The following KYNU variants were observed in gnomAD, a reference collection of about 807,000 sequenced individuals.
KYNU encodes the protein kynureninase.
Under a neutral mutation model 59.2 loss-of-function variants are expected in KYNU, and 54 were observed. The observed-to-expected ratio is 0.91, with a 90% CI of 0.73 to 1.14. The LOEUF (loss-of-function observed/expected upper bound fraction) is 1.14, where lower values mean the gene tolerates loss of function less well. Among genes scored for constraint, KYNU ranks in the 50% most tolerant of loss-of-function variants. KYNU has a pLI of 0.00. For synonymous variants in KYNU, 177 were observed against 192.0 expected, an observed-to-expected ratio of 0.92 and a Z score of 0.65; for missense variants, 567 against 554.4, an observed-to-expected ratio of 1.02 and a Z score of -0.23.
At chr2:142,973,018 G>A (rs895524506) in intron 8 of KYNU, among the ~76,000 whole-genome samples, 1 of 148,026 alleles carries the variant, frequency 6.8e-6, no homozygotes, top group South Asian at 2.1e-4. Context: ...CATGATTAGT[G>A]TATATATATA....
At chr2:142,972,795 T>C (rs1684764950) in intron 8 of KYNU, among the ~76,000 whole-genome samples, 1 of 113,272 alleles carries the variant, frequency 8.8e-6, no homozygotes, top group African/African-American at 3.9e-5. Flanking sequence ...AGAGGCCATA[T>C]ATATATATAT....
intron 10 of KYNU, among the ~76,000 whole-genome samples, chr2:142,987,919 C>A (rs537550218): frequency 1.1e-4 from 17 of 151,948 alleles, no homozygotes; most frequent in East Asian, 9.7e-4. Context: ...CCTTCTCTCT[C>A]TTCCTCCTGC....
intron 1 of KYNU, among the ~76,000 whole-genome samples, chr2:142,880,428 CA>C (rs1553471862): frequency 6.6e-6 from 1 of 152,194 alleles, no homozygotes; most frequent in Non-Finnish European, 1.5e-5. Context: ...AATCCCTTGC[CA>C]TTGTGTAACT....
chr2:143,033,201 C>T, intron 11 of KYNU, 35 bp from the exon 12 acceptor site: 1 of 1,422,644 alleles, frequency 7.0e-7, no homozygotes, highest in Non-Finnish European at 9.9e-7. Context: ...TTTAAAGTTA[C>T]CTTCTATGAT....
chr2:143,019,670 A>G (rs1686354188), intron 10 of KYNU, among the ~76,000 whole-genome samples: 1 of 152,150 alleles, frequency 6.6e-6, no homozygotes, highest in African/African-American at 2.4e-5. Flanking sequence ...TGCTGGCCTC[A>G]TGGAATGAGT....
Position 143,050,508 on chromosome 2 carries a change from A to G in KYNU, c.*8336A>G, listed in dbSNP as rs1687247036. 1 of 152,208 alleles carries G rather than the reference A, an allele frequency of 6.6e-6. No individual in the cohort carries two copies. The highest frequency in any genetic ancestry group is 1.5e-5 in the Non-Finnish European group (1 of 68,046). The allele number at this position is 152,208 out of a possible 1,614,324, so 9.4% of individuals were successfully genotyped here. A position where few individuals can be genotyped will look rare whatever the true frequency, so the allele number is the denominator to read the frequency against. On this transcript the variant is annotated 3_prime_UTR_variant, in exon 14 of 14. Transcript: ENST00000264170. ...CAATACTATGGCTACGTAGTATTCC[A>G]TGGTGTATATATACCACATTTTCTT... is the stretch of plus-strand genomic sequence containing the variant.
intron 1 of KYNU, among the ~76,000 whole-genome samples, chr2:142,878,453 A>G (rs1157043493): frequency 2.6e-5 from 4 of 152,154 alleles, no homozygotes; most frequent in Admixed American, 2.6e-4. Flanking sequence ...ATCTTGCTCA[A>G]TATGCATATT....
intron 5 of KYNU, among the ~76,000 whole-genome samples, chr2:142,955,357 CA>C (rs1381183553): frequency 6.6e-6 from 1 of 152,038 alleles, no homozygotes; most frequent in Non-Finnish European, 1.5e-5. Context: ...ACATCTTACT[CA>C]ATAAACAGTT....
intron 10 of KYNU, among the ~76,000 whole-genome samples, chr2:143,019,290 G>A (rs1686342784): frequency 6.6e-6 from 1 of 151,940 alleles, no homozygotes; most frequent in South Asian, 2.1e-4. Context: ...TGGCCTTTAT[G>A]TTATTGGGGT....
chr2:143,002,498 G>T lies in KYNU; in HGVS notation c.902+16477G>T, dbSNP rs1218740675. ...GATACTGTTTGAACGCTAGGTCTTT[G>T]ATGTTTCTGTCAGATATACCCAGCA... On this transcript the variant is annotated intron_variant, in intron 10 of 13. Transcript: ENST00000264170. 2.0e-5 allele frequency among the ~76,000 whole-genome samples: 3 copies of T among 152,158 alleles called. No homozygotes were observed. The East Asian group carries it at 5.8e-4, about 29-fold the overall frequency.
At chr2:142,890,292 C>T (rs1450918269) in intron 2 of KYNU, among the ~76,000 whole-genome samples, 2 of 152,120 alleles carry the variant, frequency 1.3e-5, no homozygotes, top group East Asian at 1.9e-4. Context: ...GAAACATCCT[C>T]ATACCTAAAT....
At position 142,988,166 on chromosome 2, in the gene KYNU, T is replaced by C. The variant is rs142011534; in HGVS notation, c.902+2145T>C. 1.6e-3 allele frequency among the ~76,000 whole-genome samples: 243 copies of C among 151,970 alleles called. 2 individuals carry two copies. The highest frequency in any genetic ancestry group is 5.5e-3 in the African/African-American group (228 of 41,506). Reference sequence around the variant, plus strand: ...GTTATATGAAAAAAAAAATCCAAAATTTACAATATACAGGAAAAAGATGGG... The same window carrying C: ...GTTATATGAAAAAAAAAATCCAAAACTTACAATATACAGGAAAAAGATGGG... On this transcript the variant is annotated intron_variant, in intron 10 of 13. Transcript: ENST00000264170.
At chr2:143,030,968 TA>T (rs1396711230) in intron 11 of KYNU, among the ~76,000 whole-genome samples, 8 of 152,224 alleles carry the variant, frequency 5.3e-5, no homozygotes, top group Non-Finnish European at 1.0e-4. Flanking sequence ...TATTGAATAC[TA>T]TACTAAAAGT....
At chr2:142,900,249 G>A (rs193297075) in intron 2 of KYNU, among the ~76,000 whole-genome samples, 23 of 152,318 alleles carry the variant, frequency 1.5e-4, no homozygotes, top group South Asian at 8.3e-4. Flanking sequence ...CACACTGCTG[G>A]ATCCAGAGAG....
intron 4 of KYNU, among the ~76,000 whole-genome samples, chr2:142,932,851 G>T (rs1304939459): frequency 6.6e-6 from 1 of 152,130 alleles, no homozygotes; most frequent in Non-Finnish European, 1.5e-5. Flanking sequence ...TAAAGAAGGG[G>T]TTCATCTGTT....
chr2:143,053,457 A>C lies in KYNU; in HGVS notation c.*11285A>C, dbSNP rs777508566. 8 of 152,212 alleles carry C rather than the reference A, an allele frequency of 5.3e-5. No homozygotes were observed. The highest frequency in any genetic ancestry group is 1.2e-4 in the Non-Finnish European group (8 of 68,028). The allele number at this position is 152,212 out of a possible 1,614,324, so 9.4% of individuals were successfully genotyped here. ...TGGTTTTGAAATGTGAGAACATTTA[A>C]GAGGGGCCAGGGGCAGAATGATATG... On this transcript the variant is annotated 3_prime_UTR_variant, in exon 14 of 14. Coordinates refer to ENST00000264170, the MANE Select transcript of KYNU (RefSeq NM_003937.3).
chr2:142,931,256 G>A (rs1683207154), intron 4 of KYNU, among the ~76,000 whole-genome samples: 2 of 152,174 alleles, frequency 1.3e-5, no homozygotes, highest in Admixed American at 1.3e-4. Flanking sequence ...CGTCTATTTG[G>A]TTGTAGATAA....
At chr2:143,022,049 A>C (rs1686425057) in intron 10 of KYNU, among the ~76,000 whole-genome samples, 1 of 152,154 alleles carries the variant, frequency 6.6e-6, no homozygotes, top group South Asian at 2.1e-4. Context: ...TCAAATAAAA[A>C]AATTATGTAA....
chr2:142,948,539 G>A (rs898501846), intron 4 of KYNU, among the ~76,000 whole-genome samples: 4 of 152,230 alleles, frequency 2.6e-5, no homozygotes, highest in Non-Finnish European at 4.4e-5. Context: ...GTAAGGAGGA[G>A]AGAGTCACAT....
Sources: allele counts gnomAD v4.1 joint callset (sites outside exome capture counted in the v4.1 genomes callset), GRCh38; gene constraint gnomAD v4.1.1; transcripts MANE v1.5; gene names NCBI Gene and HGNC (gene_info 2026-07-23, HGNC 2026-07-21).